The following ZNF415 variants were observed in gnomAD, a reference collection of about 807,000 sequenced individuals.
The protein encoded by ZNF415 is zinc finger protein 415.
ZNF415 carries 5 observed loss-of-function variants against 7.3 expected under a neutral mutation model. The ratio of observed to expected loss-of-function variants is 0.69; its 90% CI spans 0.36 to 1.44. The LOEUF is 1.44. ZNF415 is among the 40% of genes most tolerant of loss of function. The pLI, the probability that ZNF415 is intolerant of heterozygous loss-of-function variation, is 0.04. For missense variants in ZNF415, 628 were observed against 664.8 expected, an observed-to-expected ratio of 0.94 and a Z score of 0.61; for synonymous variants, 207 against 226.3, an observed-to-expected ratio of 0.91 and a Z score of 0.77.
At chr19:53,118,180 A>G (rs2146390814) in intron 2 of ZNF415, among the ~76,000 whole-genome samples, 1 of 152,270 alleles carries the variant, frequency 6.6e-6, no homozygotes, top group African/African-American at 2.4e-5. Flanking sequence ...AACAAAATGA[A>G]TTTTAAGTTA....
chr19:53,119,477 TAGAC>T (rs146547711), intron 2 of ZNF415, among the ~76,000 whole-genome samples: 5,186 of 102,994 alleles, frequency 0.05, 129 homozygotes, highest in Non-Finnish European at 0.061. Context: ...AAAATTTAAA[TAGAC>T]AGTCTAACAA....
chr19:53,117,298 G>A (rs1015378120), intron 2 of ZNF415, among the ~76,000 whole-genome samples: 6 of 151,932 alleles, frequency 3.9e-5, no homozygotes, highest in East Asian at 1.9e-4. Context: ...AAAACTAGCC[G>A]AGCGTGGTGG....
At chr19:53,111,643 C>T (rs1277367991) in intron 3 of ZNF415, among the ~76,000 whole-genome samples, 3 of 151,716 alleles carry the variant, frequency 2.0e-5, no homozygotes, top group East Asian at 2.0e-4. Flanking sequence ...GCGCCCGGCC[C>T]GCCTATGATA....
intron 3 of ZNF415, chr19:53,115,947 A>G (rs957938491): frequency 5.7e-6 from 4 of 706,022 alleles, no homozygotes; most frequent in South Asian, 3.6e-5. Context: ...TTCACAAATT[A>G]TTTCACTGAA....
At chr19:53,121,254 G>A (rs1039863202) in intron 2 of ZNF415, among the ~76,000 whole-genome samples, 1 of 150,984 alleles carries the variant, frequency 6.6e-6, no homozygotes, top group African/African-American at 2.4e-5. Flanking sequence ...GCATAGTGGC[G>A]GGTGCCTGTA....
intron 1 of ZNF415, among the ~76,000 whole-genome samples, chr19:53,131,143 ATTC>A (rs2090026603): frequency 7.8e-6 from 1 of 127,730 alleles, no homozygotes; most frequent in Non-Finnish European, 1.5e-5. Context: ...GCCCAAGACA[ATTC>A]TTCTTCCAAT....
Position 53,109,534 on chromosome 19 carries a change from G to C in ZNF415, c.511C>G (p.His171Asp). ...TGGGGTGGTGAAACTGAGGAACCAT[G>C]GTTGACAGACTTCTCAACATGGTTA... Reference protein sequence around the residue: ...ECNHVEKSVNHGSSVSPPQII... With the variant: ...ECNHVEKSVNDGSSVSPPQII... Residue 171 changes from histidine to aspartate, a missense_variant, in exon 4 of 4, where the codon CAT becomes GAT. Coordinates refer to ENST00000243643, the MANE Select transcript of ZNF415 (RefSeq NM_018355.4). 1 of 1,614,012 alleles carries C rather than the reference G, an allele frequency of 6.2e-7. No individual in the cohort carries two copies. The highest frequency in any genetic ancestry group is 8.5e-7 in the Non-Finnish European group (1 of 1,179,952).
At chr19:53,122,984 G>C (rs2088384995) in intron 1 of ZNF415, among the ~76,000 whole-genome samples, 1 of 152,174 alleles carries the variant, frequency 6.6e-6, no homozygotes, top group South Asian at 2.1e-4. Context: ...TGCTGCAGCA[G>C]TGGGGAGGAG....
intron 3 of ZNF415, chr19:53,115,754 C>T (rs746183988): frequency 1.3e-6 from 2 of 1,550,528 alleles, no homozygotes; most frequent in South Asian, 1.2e-5. Flanking sequence ...TCTTGCTACT[C>T]GTACTTGGCT....
rs1439290784 is a variant in ZNF415, at chr19:53,109,711, T to C, written c.334A>G (p.Thr112Ala). The C allele has an allele frequency of 1.2e-6, 2 of 1,613,878 alleles. No homozygotes were observed. Among genetic ancestry groups the C allele is most frequent in the Non-Finnish European group, 1.7e-6 (2 of 1,179,972 alleles). The change falls in exon 4 of 4, where the codon ACG (threonine) becomes GCG (alanine). Residue 112 changes from threonine (T) to alanine (A), a missense_variant. Coordinates refer to ENST00000243643, the MANE Select transcript of ZNF415 (RefSeq NM_018355.4). The stretch of plus-strand genomic sequence containing the variant: ...CAAGTAAGATTTTCTTTTGGGGCCG[T>C]AGTCACTTTGTTGCAATTTCTTTCA... ...DDERNCNKVTTAPKENLTCRR... is the reference protein window; with the variant it reads ...DDERNCNKVTAAPKENLTCRR...
chr19:53,122,037 T>A (rs3786523), intron 2 of ZNF415, among the ~76,000 whole-genome samples: 3 of 151,568 alleles, frequency 2.0e-5, no homozygotes, highest in Non-Finnish European at 2.9e-5. Context: ...ACCTGAGGTC[T>A]GGAGTTCGAG....
At chr19:53,128,172 T>G (rs1490204363) in intron 1 of ZNF415, among the ~76,000 whole-genome samples, 3 of 151,962 alleles carry the variant, frequency 2.0e-5, no homozygotes, top group Non-Finnish European at 4.4e-5. Context: ...AAGAGCACAC[T>G]AGGCTGAAAG....
In ZNF415 at chr19:53,109,218, TCATTA is replaced by T; in HGVS notation, c.822_826del (p.Cys274Ter). On this transcript the variant is annotated stop_gained and frameshift_variant, in exon 4 of 4. Coordinates refer to ENST00000243643, the MANE Select transcript of ZNF415 (RefSeq NM_018355.4). LOFTEE classifies it low-confidence loss of function (END_TRUNC). ...GTTGCGACTGAAACTTCTGTCACAT[TCATTA>T]CATTTGTATGGTTTCTCTCCAGTAT... 1.9e-6 allele frequency: 3 copies of T among 1,614,166 alleles called. No individual in the cohort carries two copies. The highest frequency in any genetic ancestry group is 2.5e-6 in the Non-Finnish European group (3 of 1,180,014).
chr19:53,127,819 G>T (rs996573080), intron 1 of ZNF415, among the ~76,000 whole-genome samples: 1 of 151,668 alleles, frequency 6.6e-6, no homozygotes, highest in Non-Finnish European at 1.5e-5. Flanking sequence ...GGAGGTTGCA[G>T]TGGGCCAGGA....
intron 3 of ZNF415, chr19:53,115,675 G>A (rs907328126): frequency 6.7e-7 from 1 of 1,487,820 alleles, no homozygotes; most frequent in East Asian, 2.5e-5. Flanking sequence ...TAATGGTGTG[G>A]CTTCCTCTCC....
At chr19:53,118,781 A>G (rs1212948548) in intron 2 of ZNF415, among the ~76,000 whole-genome samples, 1 of 152,166 alleles carries the variant, frequency 6.6e-6, no homozygotes, top group Non-Finnish European at 1.5e-5. Context: ...GTCAAAACCT[A>G]TGGAATACAA....
At chr19:53,119,827 A>C (rs919526912) in intron 2 of ZNF415, among the ~76,000 whole-genome samples, 1 of 152,140 alleles carries the variant, frequency 6.6e-6, no homozygotes, top group Admixed American at 6.6e-5. Context: ...AATCCTGGAC[A>C]CGAAGCACCA....
Position 53,109,076 on chromosome 19 carries a change from AAT to A in ZNF415, c.967_968del (p.Ile323TrpfsTer8). On this transcript the variant is annotated frameshift_variant, in exon 4 of 4. Transcript: ENST00000243643. LOFTEE classifies it low-confidence loss of function (END_TRUNC). ...CTTTACATGTGTAAGGTTTCTCTCC[AAT>A]ATGAGTTTTCTGATGTAGTGCAAGG... ...SCLALHQKTHIGEKPYTCKEC... is the reference protein window; with the variant it reads ...SCLALHQKTHXGEKPYTCKEC... 1 of 1,612,450 alleles carries A rather than the reference AAT, an allele frequency of 6.2e-7. No homozygotes were observed. Among genetic ancestry groups the A allele is most frequent in the Non-Finnish European group, 8.5e-7 (1 of 1,178,654 alleles).
chr19:53,130,514 C>T (rs573484524), intron 1 of ZNF415, among the ~76,000 whole-genome samples: 3 of 152,080 alleles, frequency 2.0e-5, no homozygotes, highest in Non-Finnish European at 4.4e-5. Context: ...ACCAAAGTTA[C>T]TTTGGAAATA....
Sources: allele counts gnomAD v4.1 joint callset (sites outside exome capture counted in the v4.1 genomes callset), GRCh38; gene constraint gnomAD v4.1.1; transcripts MANE v1.5; gene names NCBI Gene and HGNC (gene_info 2026-07-23, HGNC 2026-07-21).